Variants in WNT2B observed in about 807,000 individuals in gnomAD.
The protein encoded by WNT2B is protein Wnt-2b.
WNT2B carries 19 observed loss-of-function variants against 40.5 expected under a neutral mutation model. The observed-to-expected ratio is 0.47, with a 90% CI of 0.33 to 0.69. The LOEUF is 0.69. Ranked by LOEUF, WNT2B falls within the 30% of genes least tolerant of loss-of-function variation. The pLI is 0.02. For synonymous variants in WNT2B, 220 were observed against 211.9 expected, an observed-to-expected ratio of 1.04 and a Z score of -0.33; for missense variants, 467 against 556.4, an observed-to-expected ratio of 0.84 and a Z score of 1.62.
Position 112,495,482 on chromosome 1 carries a change from G to A in WNT2B, c.-94-19392G>A, listed in dbSNP as rs1036219182. Among the ~76,000 whole-genome samples, 14 of 152,072 alleles carry A rather than the reference G, an allele frequency of 9.2e-5. No homozygotes were observed. The South Asian group carries it at 2.5e-3, about 27-fold the overall frequency. On this transcript the variant is annotated intron_variant, in intron 1 of 4. Coordinates refer to the WNT2B transcript ENST00000256640. ...CGAGTGCCTATAGTCCCAGCTACTA[G>A]GGAGGCTGAGGCAGGAGAATGGCGT...
rs1653321272 is a variant in WNT2B, at chr1:112,526,091, G to A, written c.*5582G>A. The A allele has an allele frequency of 1.2e-6, 2 of 1,613,956 alleles. No individual in the cohort carries two copies. Among genetic ancestry groups the A allele is most frequent in the Non-Finnish European group, 1.7e-6 (2 of 1,180,030 alleles). ...CAAAGCCTGAGGATGCCCAGGGTTG[G>A]GGGCACCAGAGTCCCAGCACCTTCA... is the stretch of plus-strand genomic sequence containing the variant. On this transcript the variant is annotated 3_prime_UTR_variant, in exon 5 of 5. Transcript: ENST00000369684.
intron 1 of WNT2B, among the ~76,000 whole-genome samples, chr1:112,499,203 C>CAAAAAAAAAAAAAAAAAAAAAAAAAAAA (rs34199500): frequency 9.5e-6 from 1 of 105,098 alleles, no homozygotes. Context: ...AAGACTGTCT[C>CAAAAAAAAAAAAAAAAAAAAAAAAAAAA]AAAAAAAAAA....
At position 112,529,776 on chromosome 1, in the gene WNT2B, AAC is replaced by A. The variant is rs1654074086; in HGVS notation, c.*9268_*9269del. On this transcript the variant is annotated 3_prime_UTR_variant, in exon 5 of 5. Transcript: ENST00000369684. ...TAAAAAAAAAAAAAAAAAAAAAGGT[AAC>A]TATGCTCATTATTTTCAACCAAGTT... is the stretch of plus-strand genomic sequence containing the variant. The A allele has an allele frequency of 6.6e-6, 1 of 150,528 alleles. No homozygotes were observed. Among genetic ancestry groups the A allele is most frequent in the Non-Finnish European group, 1.5e-5 (1 of 67,748 alleles). The allele number at this position is 150,528 out of a possible 1,614,324, so 9.3% of individuals were successfully genotyped here. A position where few individuals can be genotyped will look rare whatever the true frequency, so the allele number is the denominator to read the frequency against.
intron 1 of WNT2B, among the ~76,000 whole-genome samples, chr1:112,512,989 C>A (rs1652407016): frequency 2.0e-5 from 3 of 152,164 alleles, no homozygotes; most frequent in Non-Finnish European, 4.4e-5. Flanking sequence ...TGGGCTGCAG[C>A]AGAATGGATT....
intron 1 of WNT2B, among the ~76,000 whole-genome samples, chr1:112,469,399 T>C (rs774018336): frequency 6.6e-6 from 1 of 152,232 alleles, no homozygotes; most frequent in Non-Finnish European, 1.5e-5. Flanking sequence ...GGGGATTGCG[T>C]TGAATCTGTA....
chr1:112,477,855 A>T (rs940359633), intron 1 of WNT2B, among the ~76,000 whole-genome samples: 3 of 152,228 alleles, frequency 2.0e-5, no homozygotes, highest in Admixed American at 6.5e-5. Flanking sequence ...ACAAAAGAGA[A>T]AAAAGAATGG....
At chr1:112,471,893 A>C (rs1650891172) in intron 1 of WNT2B, among the ~76,000 whole-genome samples, 3 of 152,248 alleles carry the variant, frequency 2.0e-5, no homozygotes, top group Admixed American at 2.0e-4. Context: ...ATCTCTTGCC[A>C]AGGAAACTGG....
chr1:112,526,117 A>G lies in WNT2B; in HGVS notation c.*5608A>G, dbSNP rs544303721. ...GGGCACCAGAGTCCCAGCACCTTCA[A>G]AACAGAAATTGATACAAAATGTTCA... On this transcript the variant is annotated 3_prime_UTR_variant, in exon 5 of 5. Coordinates refer to ENST00000369684, the MANE Select transcript of WNT2B (RefSeq NM_024494.3). 3.7e-6 allele frequency: 6 copies of G among 1,614,102 alleles called. No homozygotes were observed.
chr1:112,503,472 G>T (rs1045674506), intron 1 of WNT2B, among the ~76,000 whole-genome samples: 1 of 152,172 alleles, frequency 6.6e-6, no homozygotes, highest in East Asian at 1.9e-4. Flanking sequence ...GAGAGGGCAA[G>T]AGAAAGAGAG....
chr1:112,482,789 A>G (rs1482458231), intron 1 of WNT2B, among the ~76,000 whole-genome samples: 1 of 152,240 alleles, frequency 6.6e-6, no homozygotes, highest in Non-Finnish European at 1.5e-5. Context: ...AGGAAATTAA[A>G]TAACATTATA....
chr1:112,530,148 G>A lies in WNT2B; in HGVS notation c.*9639G>A, dbSNP rs1654134581. 1 of 152,184 alleles carries A rather than the reference G, an allele frequency of 6.6e-6. No individual in the cohort carries two copies. Among genetic ancestry groups the A allele is most frequent in the African/African-American group, 2.4e-5 (1 of 41,452 alleles). 9.4% of individuals were successfully genotyped at this position (152,184 alleles called of 1,614,324 possible). The stretch of plus-strand genomic sequence containing the variant: ...TAGAGAAGTAATAATTACCAATAAA[G>A]TAAATTCCAAAGCCGAATCCCCAGT... On this transcript the variant is annotated 3_prime_UTR_variant, in exon 5 of 5. Transcript: ENST00000369684.
chr1:112,471,185 C>T (rs114910452), intron 1 of WNT2B, among the ~76,000 whole-genome samples: 8,407 of 152,244 alleles, frequency 0.055, 786 homozygotes, highest in African/African-American at 0.19. Flanking sequence ...CAGCCACGTA[C>T]GTCTTGGGGA....
At chr1:112,479,217 G>T (rs951096152) in intron 1 of WNT2B, among the ~76,000 whole-genome samples, 1 of 149,788 alleles carries the variant, frequency 6.7e-6, no homozygotes, top group Non-Finnish European at 1.5e-5. Flanking sequence ...GTGAAACTCT[G>T]TCTCAAAATA....
Position 112,509,532 on chromosome 1 carries a change from G to C in WNT2B, c.182+88G>C, listed in dbSNP as rs1009435553. 5 of 1,421,676 alleles carry C rather than the reference G, an allele frequency of 3.5e-6. No homozygotes were observed. The highest frequency in any genetic ancestry group is 4.6e-6 in the Non-Finnish European group (5 of 1,084,094). 88.1% of individuals were successfully genotyped at this position (1,421,676 alleles called of 1,614,324 possible). ...AGGGACTGGCTGCTCACGGGACCAGGCTGTTGCTTCGACGGGTTGGAGACG... is the reference window on the plus strand; with the variant it reads ...AGGGACTGGCTGCTCACGGGACCAGCCTGTTGCTTCGACGGGTTGGAGACG... On this transcript the variant is annotated intron_variant, in intron 1 of 4. Transcript: ENST00000369684. The surrounding 1 kb of genome is among the most constrained non-coding windows in gnomAD (Gnocchi z 4.2).
rs539132571 is a variant in WNT2B, at chr1:112,521,733, C to T, written c.*1224C>T. ...AATGGGTAATGCTATTACCCATTGC[C>T]TAACTAGGTTTGCAGTAGTGGAATC... On this transcript the variant is annotated 3_prime_UTR_variant, in exon 5 of 5. Coordinates refer to ENST00000369684, the MANE Select transcript of WNT2B (RefSeq NM_024494.3). 1.3e-5 allele frequency: 2 copies of T among 152,262 alleles called. No homozygotes were observed. Among genetic ancestry groups the T allele is most frequent in the South Asian group, 2.1e-4 (1 of 4,818 alleles). The allele number at this position is 152,262 out of a possible 1,614,324, so 9.4% of individuals were successfully genotyped here.
Position 112,509,046 on chromosome 1 carries a change from C to T in WNT2B, c.-217C>T. On this transcript the variant is annotated 5_prime_UTR_variant, in exon 1 of 5. Transcript: ENST00000369684. The surrounding 1 kb of genome is among the most constrained non-coding windows in gnomAD (Gnocchi z 4.2). ...TCCTCAGGCAGCGCGCCCCAGACCC[C>T]GGGTTCGGCACGCCGTCGTCGGCTT... 1 of 1,357,094 alleles carries T rather than the reference C, an allele frequency of 7.4e-7. No homozygotes were observed. The highest frequency in any genetic ancestry group is 9.4e-7 in the Non-Finnish European group (1 of 1,064,512). 84.1% of individuals were successfully genotyped at this position (1,357,094 alleles called of 1,614,324 possible).
chr1:112,516,522 G>A, intron 3 of WNT2B, 105 bp downstream of exon 3: 2 of 1,438,222 alleles, frequency 1.4e-6, no homozygotes, highest in Non-Finnish European at 1.9e-6. Flanking sequence ...GAAGGCTTCT[G>A]GGTCACTTCC....
chr1:112,498,470 G>T (rs142947730), intron 1 of WNT2B, among the ~76,000 whole-genome samples: 3,111 of 151,802 alleles, frequency 0.02, 197 homozygotes, highest in East Asian at 0.18. Flanking sequence ...CCTGACCTCA[G>T]GTGATCCACC....
rs1173215266 is a variant in WNT2B, at chr1:112,515,012, T to C, written c.321T>C (p.Cys107=). The change falls in exon 2 of 5, where the codon TGT becomes TGC. Residue 107 remains cysteine (C), a synonymous_variant. Transcript: ENST00000369684. The surrounding 1 kb of genome is among the most constrained non-coding windows in gnomAD (Gnocchi z 4.4). Reference sequence around the variant, plus strand: ...GTGCCCGAGAATGGATCCGAGAGTGTCAGCACCAATTCCGCCACCACCGCT... The same window carrying C: ...GTGCCCGAGAATGGATCCGAGAGTGCCAGCACCAATTCCGCCACCACCGCT... ...GEGAREWIRE[C]QHQFRHHRWN... is the part of the protein sequence containing the mutation. 6.8e-6 allele frequency: 11 copies of C among 1,614,146 alleles called. No homozygotes were observed. The highest frequency in any genetic ancestry group is 9.3e-6 in the Non-Finnish European group (11 of 1,180,024).
Sources: gnomAD v4.1 joint callset for allele counts (sites outside exome capture counted in the v4.1 genomes callset) on GRCh38, gnomAD v4.1.1 for gene constraint, Gnocchi (gnomAD v3.1) non-coding constraint, MANE v1.5 for transcripts, NCBI Gene and HGNC (gene_info 2026-07-23, HGNC 2026-07-21) for gene names.